ANXA8: variants seen among roughly 807,000 people sequenced by gnomAD.
The protein encoded by ANXA8 is VAC-beta.
Under a neutral mutation model 26.8 loss-of-function variants are expected in ANXA8, and 9 were observed. The observed-to-expected ratio is 0.34, with a 90% confidence interval of 0.20 to 0.59. The LOEUF (loss-of-function observed/expected upper bound fraction) is 0.59. Among genes scored for constraint, ANXA8 ranks in the 20% least tolerant of loss-of-function variants. The pLI, the probability that ANXA8 is intolerant of heterozygous loss-of-function variation, is 0.84. For synonymous variants in ANXA8, 39 were observed against 94.8 expected, an observed-to-expected ratio of 0.41 and a Z score of 3.42; for missense variants, 83 against 238.5, an observed-to-expected ratio of 0.35 and a Z score of 4.29.
chr10:47,576,532 T>C, the ANXA8 span, among the ~76,000 whole-genome samples: 2 of 147,648 alleles, frequency 1.4e-5, no homozygotes, highest in Non-Finnish European at 3.0e-5. Context: ...TCATGGCTCA[T>C]TGATAACTGC....
the ANXA8 span, among the ~76,000 whole-genome samples, chr10:47,498,621 A>G: frequency 1.4e-5 from 2 of 142,028 alleles, no homozygotes; most frequent in Admixed American, 7.4e-5. Context: ...AGGCCAAGGA[A>G]CCTGAGATAC....
At chr10:47,967,851 G>C in the ANXA8 span, among the ~76,000 whole-genome samples, 89 of 127,248 alleles carry the variant, frequency 7.0e-4, 1 homozygote, top group East Asian at 0.018. Context: ...ACTTCACACT[G>C]TTGGGGAAAT....
chr10:47,948,958 G>GTTT, the ANXA8 span, among the ~76,000 whole-genome samples: 68 of 121,228 alleles, frequency 5.6e-4, no homozygotes, highest in African/African-American at 1.9e-3. Flanking sequence ...CTGGGAGGTG[G>GTTT]TTTTTTTTTT....
chr10:47,672,159 T>C, the ANXA8 span, among the ~76,000 whole-genome samples: 364 of 150,348 alleles, frequency 2.4e-3, 8 homozygotes, highest in African/African-American at 8.2e-3. Flanking sequence ...TGGGTCATTT[T>C]CAAAAAAAGA....
chr10:47,575,056 AC>A, the ANXA8 span, among the ~76,000 whole-genome samples: 1 of 133,318 alleles, frequency 7.5e-6, no homozygotes, highest in African/African-American at 3.0e-5. Flanking sequence ...GAGGGCTTAT[AC>A]CCCCACTAAG....
chr10:47,733,210 TTTC>T, the ANXA8 span, among the ~76,000 whole-genome samples: 540 of 74,682 alleles, frequency 7.2e-3, no homozygotes, highest in East Asian at 0.011. Flanking sequence ...TCTTTCTTTC[TTTC>T]TTTCTTTCTC....
the ANXA8 span, among the ~76,000 whole-genome samples, chr10:47,913,933 CTTT>C: frequency 9.9e-3 from 322 of 32,584 alleles, 16 homozygotes; most frequent in African/African-American, 0.031. Flanking sequence ...TTAGAATCTT[CTTT>C]TTTTTTTTTT....
the ANXA8 span, among the ~76,000 whole-genome samples, chr10:47,735,928 TACC>T: frequency 6.9e-6 from 1 of 144,534 alleles, no homozygotes; most frequent in Non-Finnish European, 1.5e-5. Context: ...AGGTGTAGAC[TACC>T]ACGTCTGGCC....
At chr10:47,738,683 C>T in the ANXA8 span, among the ~76,000 whole-genome samples, 1 of 151,690 alleles carries the variant, frequency 6.6e-6, no homozygotes, top group Non-Finnish European at 1.5e-5. Context: ...CTCAAGCTAT[C>T]CTCCCACCTC....
At chr10:47,779,590 G>GT in the ANXA8 span, among the ~76,000 whole-genome samples, 1 of 64,040 alleles carries the variant, frequency 1.6e-5, no homozygotes, top group Non-Finnish European at 3.0e-5. Context: ...GGAAAACCTA[G>GT]TTAGAGCTAG....
chr10:47,502,592 G>C, the ANXA8 span: 1 of 1,577,464 alleles, frequency 6.3e-7, no homozygotes, highest in African/African-American at 1.4e-5. Context: ...ACACGGGAAA[G>C]GCGGGTGCCA....
chr10:47,674,401 G>A, the ANXA8 span, among the ~76,000 whole-genome samples: 1 of 151,316 alleles, frequency 6.6e-6, no homozygotes, highest in Admixed American at 6.6e-5. Context: ...CAAGTAGTTG[G>A]GACTACAGAC....
At chr10:47,583,815 C>T in the ANXA8 span, among the ~76,000 whole-genome samples, 1 of 143,386 alleles carries the variant, frequency 7.0e-6, no homozygotes, top group Non-Finnish European at 1.5e-5. Flanking sequence ...GTTTAGTCCA[C>T]AGCAAAGGTG....
chr10:47,617,922 A>G, the ANXA8 span, among the ~76,000 whole-genome samples: 1 of 134,334 alleles, frequency 7.4e-6, no homozygotes, highest in Admixed American at 7.5e-5. Context: ...TGCACCATAA[A>G]ACCTGATCTA....
At chr10:47,639,314 A>ATTTTT in the ANXA8 span, among the ~76,000 whole-genome samples, 4 of 75,378 alleles carry the variant, frequency 5.3e-5, no homozygotes, top group Non-Finnish European at 1.0e-4. Context: ...TATTATTATT[A>ATTTTT]TTTTTTTTTT....
the ANXA8 span, among the ~76,000 whole-genome samples, chr10:47,535,138 T>C: frequency 1.5e-5 from 2 of 129,504 alleles, 1 homozygote; most frequent in Non-Finnish European, 3.1e-5. Context: ...CATGCCCAGC[T>C]AACTTTTGTA....
chr10:47,738,678 G>T, the ANXA8 span, among the ~76,000 whole-genome samples: 1 of 151,904 alleles, frequency 6.6e-6, no homozygotes, highest in African/African-American at 2.4e-5. Flanking sequence ...TCAGGCTCAA[G>T]CTATCCTCCC....
At chr10:47,586,500 C>T in the ANXA8 span, among the ~76,000 whole-genome samples, 16 of 145,406 alleles carry the variant, frequency 1.1e-4, 2 homozygotes, top group African/African-American at 4.5e-4. Flanking sequence ...CAGTGACTCA[C>T]CTGTCTTTTT....
chr10:47,530,459 G>A, the ANXA8 span, among the ~76,000 whole-genome samples: 5 of 148,014 alleles, frequency 3.4e-5, 1 homozygote, highest in African/African-American at 7.6e-5. Flanking sequence ...AGGCTGAGGC[G>A]GGTGGATCAT....
Sources: allele counts gnomAD v4.1 joint callset (sites outside exome capture counted in the v4.1 genomes callset), GRCh38; gene constraint gnomAD v4.1.1; transcripts MANE v1.5; gene names NCBI Gene and HGNC (gene_info 2026-07-23, HGNC 2026-07-21).